The following RPN1 variants were observed in gnomAD, a reference collection of about 807,000 sequenced individuals.
The protein encoded by RPN1 is dolichyl-diphosphooligosaccharide--protein glycosyltransferase subunit 1.
RPN1 carries 12 observed loss-of-function variants against 55.5 expected under a neutral mutation model. The observed-to-expected ratio is 0.22, with a 90% CI of 0.14 to 0.35. RPN1 has a LOEUF of 0.35. RPN1 is among the 10% of genes least tolerant of loss of function. RPN1 has a pLI of 1.00. For synonymous variants in RPN1, 317 were observed against 305.9 expected (o/e 1.04, Z -0.38); for missense variants, 679 against 761.3 (o/e 0.89, Z 1.27).
chr3:128,621,442 A>G (rs1344349731), intron 9 of RPN1, among the ~76,000 whole-genome samples: 1 of 152,154 alleles, frequency 6.6e-6, no homozygotes, highest in East Asian at 1.9e-4. Context: ...TGCAGTGAGC[A>G]GAGATTGCGC....
intron 1 of RPN1, 151 bp from the exon 2 acceptor site, chr3:128,645,134 T>C (rs1381124358): frequency 1.1e-5 from 7 of 616,814 alleles, no homozygotes; most frequent in Admixed American, 3.0e-5. Context: ...TAACAATTTT[T>C]TTTTCTCTGA....
Position 128,625,991 on chromosome 3 carries a change from G to C in RPN1, c.1158C>G (p.Pro386=), listed in dbSNP as rs780444170. The stretch of plus-strand genomic sequence containing the variant: ...CATCTGGGGCACGGCTGATTTCATA[G>C]GGACTATCAATTTCAATGTTCCTGG... ...EGAKNIEIDS[P]YEISRAPDEL... The change falls in exon 7 of 10, where the codon CCC becomes CCG. Residue 386 remains proline, a synonymous_variant. Transcript: ENST00000296255. The C allele has an allele frequency of 1.7e-5, 28 of 1,606,226 alleles. No individual in the cohort carries two copies. In the South Asian group the frequency reaches 2.1e-4, roughly 12 times the overall value.
At chr3:128,624,313 T>C (rs1576791731) in intron 8 of RPN1, among the ~76,000 whole-genome samples, 1 of 152,024 alleles carries the variant, frequency 6.6e-6, no homozygotes, top group South Asian at 2.1e-4. Flanking sequence ...ACCCCGTCTC[T>C]ACTAAAAATA....
intron 1 of RPN1, among the ~76,000 whole-genome samples, chr3:128,647,334 C>T (rs527640215): frequency 6.6e-6 from 1 of 152,170 alleles, no homozygotes; most frequent in Non-Finnish European, 1.5e-5. Context: ...TACAATCATC[C>T]TCAATAAAGC....
intron 8 of RPN1, 39 bp downstream of exon 8, chr3:128,625,494 AG>A (rs1385405538): frequency 6.2e-7 from 1 of 1,613,888 alleles, no homozygotes; most frequent in African/African-American, 1.3e-5. Context: ...AATATTACCA[AG>A]GACACAAATG....
intron 8 of RPN1, among the ~76,000 whole-genome samples, chr3:128,624,212 CG>C (rs2069581726): frequency 6.6e-6 from 1 of 152,134 alleles, no homozygotes; most frequent in Non-Finnish European, 1.5e-5. Flanking sequence ...TGACCAGGCA[CG>C]GTGTCTCATG....
chr3:128,625,686 G>C, intron 7 of RPN1, 33 bp from the exon 8 acceptor site: 1 of 1,613,220 alleles, frequency 6.2e-7, no homozygotes, highest in East Asian at 2.2e-5. Flanking sequence ...CTTCATCGGG[G>C]CTGTAGGGAC....
chr3:128,645,011 T>G, intron 1 of RPN1, 28 bp from the exon 2 acceptor site: 1 of 1,340,432 alleles, frequency 7.5e-7, no homozygotes, highest in Non-Finnish European at 1.1e-6. Flanking sequence ...AGTTTATTAT[T>G]CATGTCTTTT....
intron 1 of RPN1, among the ~76,000 whole-genome samples, chr3:128,650,132 C>G (rs945130740): frequency 4.6e-5 from 7 of 152,246 alleles, no homozygotes. Context: ...GGCACCGGGC[C>G]GAGGGGCTGC....
chr3:128,638,785 G>A (rs2069702707), intron 2 of RPN1, among the ~76,000 whole-genome samples: 1 of 152,282 alleles, frequency 6.6e-6, no homozygotes, highest in African/African-American at 2.4e-5. Context: ...GGCCAACATG[G>A]CAAAACCCTG....
At chr3:128,641,863 G>A (rs1261849314) in intron 2 of RPN1, among the ~76,000 whole-genome samples, 9 of 151,868 alleles carry the variant, frequency 5.9e-5, no homozygotes, top group Non-Finnish European at 8.8e-5. Context: ...TGCCTGCCTC[G>A]GCCTCCCAAA....
At chr3:128,650,024 A>T (rs1317021750) in intron 1 of RPN1, among the ~76,000 whole-genome samples, 1 of 152,254 alleles carries the variant, frequency 6.6e-6, no homozygotes, top group Non-Finnish European at 1.5e-5. Context: ...AACGGACCAG[A>T]TACTGAATTA....
Position 128,650,635 on chromosome 3 carries a change from C to T in RPN1, c.166G>A (p.Ala56Thr). ...LAKVTAEVVL[A>T]HLGGGSTSRA... ...GACGTGGAGCCGCCGCCCAGGTGCGCCAGGACCACCTCGGCCGTCACCTTA... is the reference window on the plus strand; with the variant it reads ...GACGTGGAGCCGCCGCCCAGGTGCGTCAGGACCACCTCGGCCGTCACCTTA... Residue 56 changes from alanine to threonine, a missense_variant, in exon 1 of 10, where the codon GCG becomes ACG. Ala to Thr is a moderately conservative substitution (Grantham distance 58, BLOSUM62 0). Around this residue, in one of 3 missense-constraint regions of RPN1, gnomAD observed 352 missense variants for 352.8 expected, o/e 1.00. Transcript: ENST00000296255. 6.4e-7 allele frequency: 1 copy of T among 1,555,984 alleles called. No homozygotes were observed. The highest frequency in any genetic ancestry group is 1.2e-5 in the South Asian group (1 of 84,464).
intron 3 of RPN1, among the ~76,000 whole-genome samples, chr3:128,634,306 C>T (rs1365227685): frequency 1.1e-4 from 16 of 146,104 alleles, no homozygotes; most frequent in Non-Finnish European, 2.1e-4. Context: ...CCAGCCTGGG[C>T]GAGAGTAAGA....
At chr3:128,650,177 C>G (rs1324189614) in intron 1 of RPN1, among the ~76,000 whole-genome samples, 1 of 152,240 alleles carries the variant, frequency 6.6e-6, no homozygotes, top group Non-Finnish European at 1.5e-5. Context: ...TGCGTTCTAC[C>G]GGCCCGAGGT....
chr3:128,623,739 TTAAC>T (rs1387015087), intron 8 of RPN1, among the ~76,000 whole-genome samples: 1 of 152,132 alleles, frequency 6.6e-6, no homozygotes, highest in South Asian at 2.1e-4. Context: ...GTTAATAGTA[TTAAC>T]TAACTAATGG....
intron 4 of RPN1, among the ~76,000 whole-genome samples, chr3:128,631,743 A>G (rs1460603310): frequency 6.6e-6 from 1 of 152,186 alleles, no homozygotes; most frequent in East Asian, 1.9e-4. Flanking sequence ...CTCTGTCTCA[A>G]AGAAAAAAAA....
chr3:128,649,056 T>G (rs1422030820), intron 1 of RPN1, among the ~76,000 whole-genome samples: 2 of 152,158 alleles, frequency 1.3e-5, no homozygotes, highest in Non-Finnish European at 2.9e-5. Context: ...AGAGTCCCAG[T>G]AAGAAAGTAT....
At chr3:128,630,203 C>G in intron 4 of RPN1, 60 bp from the exon 5 acceptor site, 1 of 1,192,096 alleles carries the variant, frequency 8.4e-7, no homozygotes, top group Non-Finnish European at 1.2e-6. Context: ...GGAAATGATC[C>G]TAAACACAGA....
Sources: gnomAD v4.1 joint callset for allele counts (sites outside exome capture counted in the v4.1 genomes callset) on GRCh38, gnomAD v4.1.1 for gene constraint, gnomAD v4.1.1 regional missense constraint, MANE v1.5 for transcripts, NCBI Gene and HGNC (gene_info 2026-07-23, HGNC 2026-07-21) for gene names.